The following TRPC5 variants were observed in gnomAD, a reference collection of about 807,000 sequenced individuals.
The protein encoded by TRPC5 is short transient receptor potential channel 5.
In TRPC5, 9 loss-of-function variants were observed where a neutral mutation model predicts 56.5. The ratio of observed to expected loss-of-function variants is 0.16; its 90% CI spans 0.10 to 0.28. TRPC5 has a LOEUF of 0.28. Ranked by LOEUF, TRPC5 falls within the 10% of genes least tolerant of loss-of-function variation. The pLI, the probability that TRPC5 is intolerant of heterozygous loss-of-function variation, is 1.00. For missense variants in TRPC5, 469 were observed against 748.9 expected (o/e 0.63, Z 4.36); for synonymous variants, 282 against 278.5 (o/e 1.01, Z -0.13).
intron 7 of TRPC5, among the ~76,000 whole-genome samples, chrX:111,796,016 T>A (rs983035582): frequency 1.1e-4 from 12 of 111,451 alleles, no homozygotes; most frequent in Middle Eastern, 9.3e-3. Flanking sequence ...CCCTTTTTTC[T>A]TTCTGTTCCC....
At chrX:112,042,043 G>T in intron 1 of TRPC5, among the ~76,000 whole-genome samples, 1 of 111,990 alleles carries the variant, frequency 8.9e-6, no homozygotes, top group East Asian at 2.8e-4. Flanking sequence ...AGCTTAATTT[G>T]CATGTCTCAA....
chrX:111,947,334 T>A lies in TRPC5; in HGVS notation c.378+4709A>T, dbSNP rs758673842. On this transcript the variant is annotated intron_variant, in intron 2 of 10. Coordinates refer to ENST00000262839, the MANE Select transcript of TRPC5 (RefSeq NM_012471.3). ...ATCATCATGTGAGTCAATTTTTCTT[T>A]TTTATTTATTTATTTATTTTGAGAC... Among the ~76,000 whole-genome samples the A allele has an allele frequency of 7.9e-4, 88 of 111,184 alleles. 1 individual carries two copies. The highest frequency in any genetic ancestry group is 2.2e-3 in the Admixed American group (23 of 10,390).
At chrX:111,969,230 A>G in intron 1 of TRPC5, among the ~76,000 whole-genome samples, 1 of 111,178 alleles carries the variant, frequency 9.0e-6, no homozygotes, top group Non-Finnish European at 1.9e-5. Context: ...AGTATTTTAA[A>G]ATTAAGGTTT....
chrX:111,798,322 C>T (rs1921175695), intron 7 of TRPC5, among the ~76,000 whole-genome samples: 2 of 111,808 alleles, frequency 1.8e-5, no homozygotes, highest in Admixed American at 9.5e-5. Context: ...TTGTGGTGAG[C>T]TCAGGTGTTG....
intron 1 of TRPC5, among the ~76,000 whole-genome samples, chrX:111,972,660 CCTT>C (rs1927816608): frequency 8.9e-6 from 1 of 112,126 alleles, no homozygotes; most frequent in African/African-American, 3.2e-5. Flanking sequence ...GTGGCACCCT[CCTT>C]CTTCAAAGGT....
rs781381766 is a variant in TRPC5, at chrX:112,060,490, T to A, written c.-22+21389A>T. Among the ~76,000 whole-genome samples the A allele has an allele frequency of 6.2e-5, 7 of 112,542 alleles. No homozygotes were observed. In the South Asian group the frequency reaches 2.2e-3, roughly 35 times the overall value. ...TGAGGCTGCTCCTATTCATGTAATA[T>A]ATTTAGCATAATAAATTACTTAAAT... On this transcript the variant is annotated intron_variant, in intron 1 of 10. Transcript: ENST00000262839.
At chrX:111,948,934 A>C (rs980911133) in intron 2 of TRPC5, among the ~76,000 whole-genome samples, 2 of 111,151 alleles carry the variant, frequency 1.8e-5, no homozygotes, top group Non-Finnish European at 3.8e-5. Flanking sequence ...CCTCCCTAGA[A>C]ATCTAATCAA....
At chrX:112,059,879 G>A (rs965993329) in intron 1 of TRPC5, among the ~76,000 whole-genome samples, 2 of 111,864 alleles carry the variant, frequency 1.8e-5, no homozygotes, top group African/African-American at 6.5e-5. Context: ...ATAGAATAAG[G>A]GAAGTGATAT....
At chrX:111,901,449 A>G (rs1925339124) in intron 3 of TRPC5, 1 of 114,639 alleles carries the variant, frequency 8.7e-6, no homozygotes, top group Admixed American at 9.4e-5. Context: ...CTTAACAGCA[A>G]TTCTTGATAG....
At chrX:111,956,876 G>C (rs1445909378) in intron 1 of TRPC5, among the ~76,000 whole-genome samples, 1 of 111,559 alleles carries the variant, frequency 9.0e-6, no homozygotes, top group South Asian at 3.8e-4. Flanking sequence ...CACCTGCGTG[G>C]TGAACACTGA....
chrX:111,970,624 T>C (rs1927753147), intron 1 of TRPC5, among the ~76,000 whole-genome samples: 1 of 111,444 alleles, frequency 9.0e-6, no homozygotes, highest in Non-Finnish European at 1.9e-5. Context: ...AGAGAAAAAC[T>C]TATCAGGGAA....
chrX:111,975,959 A>C (rs1194060905), intron 1 of TRPC5, among the ~76,000 whole-genome samples: 2 of 112,450 alleles, frequency 1.8e-5, no homozygotes, highest in Non-Finnish European at 3.8e-5. Flanking sequence ...ATCATGTTAC[A>C]TGATGAAGTA....
At chrX:111,950,784 C>A (rs901363452) in intron 2 of TRPC5, among the ~76,000 whole-genome samples, 37 of 112,327 alleles carry the variant, frequency 3.3e-4, no homozygotes, top group African/African-American at 1.2e-3. Flanking sequence ...CCTCCCAGGT[C>A]CATTCATTTC....
At chrX:111,922,507 T>C (rs997781359) in intron 2 of TRPC5, among the ~76,000 whole-genome samples, 1 of 112,657 alleles carries the variant, frequency 8.9e-6, no homozygotes, top group African/African-American at 3.2e-5. Context: ...TTCATTTCTC[T>C]GTATTACTCA....
intron 7 of TRPC5, among the ~76,000 whole-genome samples, chrX:111,793,390 G>A (rs773295185): frequency 8.9e-6 from 1 of 111,871 alleles, no homozygotes; most frequent in Non-Finnish European, 1.9e-5. Flanking sequence ...TGGGAAAATC[G>A]TTTGAATAGA....
Position 112,049,129 on chromosome X carries a change from T to G in TRPC5, c.-22+32750A>C, listed in dbSNP as rs73550119. ...ATGAAGATGATCCTACTGACCTCAG[T>G]TTTTAGAAATGAGATGGTTTATGTG... On this transcript the variant is annotated intron_variant, in intron 1 of 10. Transcript: ENST00000262839. Among the ~76,000 whole-genome samples, 987 of 111,986 alleles carry G rather than the reference T, an allele frequency of 8.8e-3. 4 individuals are homozygous for G. The highest frequency in any genetic ancestry group is 0.03 in the African/African-American group (923 of 30,830).
chrX:111,903,523 G>C (rs1347295231), intron 3 of TRPC5: 1 of 112,336 alleles, frequency 8.9e-6, no homozygotes, highest in African/African-American at 3.2e-5. Context: ...CATAAGTCAT[G>C]TATCTGAAAG....
intron 3 of TRPC5, among the ~76,000 whole-genome samples, chrX:111,910,635 G>A (rs1031661999): frequency 6.2e-5 from 7 of 112,284 alleles, no homozygotes; most frequent in Admixed American, 2.8e-4. Flanking sequence ...AGGTTCAAGC[G>A]ATTCTCGTGT....
intron 7 of TRPC5, among the ~76,000 whole-genome samples, chrX:111,808,048 C>T (rs1921578704): frequency 9.2e-6 from 1 of 108,695 alleles, no homozygotes; most frequent in Non-Finnish European, 1.9e-5. Context: ...ACTGTGGCCA[C>T]CACCACTAGG....
Sources: gnomAD v4.1 joint callset for allele counts (sites outside exome capture counted in the v4.1 genomes callset) on GRCh38, gnomAD v4.1.1 for gene constraint, MANE v1.5 for transcripts, NCBI Gene and HGNC (gene_info 2026-07-23, HGNC 2026-07-21) for gene names.